PHACTR1: variants seen among roughly 807,000 people sequenced by gnomAD.
PHACTR1 encodes the protein phosphatase and actin regulator 1, also known as RPEL repeat containing 1.
Under a neutral mutation model 69.2 loss-of-function variants are expected in PHACTR1, and 16 were observed. The ratio of observed to expected loss-of-function variants is 0.23; its 90% CI spans 0.16 to 0.35. The LOEUF is 0.35. Among genes scored for constraint, PHACTR1 ranks in the 10% least tolerant of loss-of-function variants. PHACTR1 has a pLI of 1.00. For synonymous variants in PHACTR1, 312 were observed against 284.5 expected, an observed-to-expected ratio of 1.10 and a Z score of -0.97; for missense variants, 510 against 734.7, an observed-to-expected ratio of 0.69 and a Z score of 3.54.
chr6:12,855,029 C>G (rs145469396), intron 4 of PHACTR1, among the ~76,000 whole-genome samples: 1 of 152,152 alleles, frequency 6.6e-6, no homozygotes, highest in Admixed American at 6.5e-5. Context: ...CCAGCAATCC[C>G]GTTAGTGGGT....
At chr6:13,065,158 A>T (rs1377562940) in intron 5 of PHACTR1, among the ~76,000 whole-genome samples, 1 of 152,156 alleles carries the variant, frequency 6.6e-6, no homozygotes, top group Non-Finnish European at 1.5e-5. Context: ...AACTGGGGTC[A>T]GGAGAGGTCT....
chr6:13,120,136 A>G (rs1420762027), intron 5 of PHACTR1, among the ~76,000 whole-genome samples: 1 of 152,124 alleles, frequency 6.6e-6, no homozygotes, highest in Non-Finnish European at 1.5e-5. Flanking sequence ...GTTTACAAAT[A>G]TTTTATTCAT....
At chr6:13,193,357 G>GTGTA (rs536184609) in intron 7 of PHACTR1, among the ~76,000 whole-genome samples, 6 of 68,198 alleles carry the variant, frequency 8.8e-5, no homozygotes, top group African/African-American at 2.5e-4. Context: ...AGCTCTCTGT[G>GTGTA]TATATATATA....
At chr6:12,839,531 C>T (rs1778486477) in intron 4 of PHACTR1, among the ~76,000 whole-genome samples, 1 of 152,104 alleles carries the variant, frequency 6.6e-6, no homozygotes. Flanking sequence ...CTAGATATGT[C>T]ATGGGGCCTG....
intron 6 of PHACTR1, among the ~76,000 whole-genome samples, chr6:13,171,260 T>C (rs1360346312): frequency 6.6e-6 from 1 of 151,822 alleles, no homozygotes. Flanking sequence ...TGTAGTTCTG[T>C]CTCACTGCTC....
intron 4 of PHACTR1, among the ~76,000 whole-genome samples, chr6:12,820,275 G>A (rs902361731): frequency 6.6e-6 from 1 of 152,018 alleles, no homozygotes; most frequent in South Asian, 2.1e-4. Context: ...CCTGCCTCCA[G>A]GTTCAAGTGA....
At chr6:12,960,296 T>C (rs1261218753) in intron 4 of PHACTR1, among the ~76,000 whole-genome samples, 2 of 152,260 alleles carry the variant, frequency 1.3e-5, no homozygotes, top group Admixed American at 6.5e-5. Context: ...TTATCATTTA[T>C]GGTGTCTAGT....
At chr6:12,777,457 A>T (rs185988733) in intron 4 of PHACTR1, among the ~76,000 whole-genome samples, 5 of 151,896 alleles carry the variant, frequency 3.3e-5, no homozygotes, top group African/African-American at 1.2e-4. Flanking sequence ...CTCAGTGTTT[A>T]GCTCTTACTT....
At chr6:13,038,488 TAA>T (rs34433834) in intron 4 of PHACTR1, among the ~76,000 whole-genome samples, 80 of 124,114 alleles carry the variant, frequency 6.4e-4, no homozygotes, top group African/African-American at 1.2e-3. Flanking sequence ...TTCAAGTGTT[TAA>T]AAAAAAAAAA....
rs192626162 is a variant in PHACTR1, at chr6:13,239,995, C to A, written c.1391+9802C>A. ...GTAAGTGTGGTGGACAAAGAGCTGC[C>A]TTTTACCCAGTGGGAACACAATCGA... On this transcript the variant is annotated intron_variant, in intron 10 of 14. Transcript: ENST00000332995. Among the ~76,000 whole-genome samples, 104 of 151,898 alleles carry A rather than the reference C, an allele frequency of 6.8e-4. 1 individual carries two copies. The highest frequency in any genetic ancestry group is 2.3e-3 in the African/African-American group (97 of 41,358).
At chr6:12,990,757 T>C (rs560664576) in intron 4 of PHACTR1, among the ~76,000 whole-genome samples, 2 of 152,208 alleles carry the variant, frequency 1.3e-5, no homozygotes, top group East Asian at 3.9e-4. Context: ...GTTTGAAAGG[T>C]GATGAATGCA....
At chr6:13,215,475 T>C (rs1269074727) in intron 8 of PHACTR1, among the ~76,000 whole-genome samples, 1 of 152,186 alleles carries the variant, frequency 6.6e-6, no homozygotes, top group African/African-American at 2.4e-5. Context: ...TGATATACTG[T>C]CTCCAGATAG....
chr6:13,017,197 A>AAG (rs1161047220), intron 4 of PHACTR1, among the ~76,000 whole-genome samples: 1 of 151,216 alleles, frequency 6.6e-6, no homozygotes, highest in Non-Finnish European at 1.5e-5. Flanking sequence ...AAAAAAAAAA[A>AAG]AAAAAAAAAA....
intron 3 of PHACTR1, among the ~76,000 whole-genome samples, chr6:12,723,085 T>C (rs1300616838): frequency 2.0e-5 from 3 of 152,318 alleles, no homozygotes; most frequent in Non-Finnish European, 2.9e-5. Context: ...AAAATTAACA[T>C]CATGAGATTT....
intron 10 of PHACTR1, among the ~76,000 whole-genome samples, chr6:13,231,528 C>T (rs115869543): frequency 6.6e-6 from 1 of 152,124 alleles, no homozygotes; most frequent in African/African-American, 2.4e-5. Flanking sequence ...AATTGAGGAC[C>T]TATGGAGAGA....
At chr6:13,250,836 G>A (rs888324691) in intron 10 of PHACTR1, among the ~76,000 whole-genome samples, 2 of 152,202 alleles carry the variant, frequency 1.3e-5, no homozygotes, top group Admixed American at 6.5e-5. Context: ...CTCAAGACAG[G>A]TGGTGCACAA....
At chr6:12,987,585 G>A (rs1220352313) in intron 4 of PHACTR1, among the ~76,000 whole-genome samples, 1 of 152,142 alleles carries the variant, frequency 6.6e-6, no homozygotes, top group African/African-American at 2.4e-5. Flanking sequence ...GGGCTTGATT[G>A]TGTAAGCCAG....
At chr6:13,025,940 C>CT (rs1185432956) in intron 4 of PHACTR1, among the ~76,000 whole-genome samples, 1 of 152,158 alleles carries the variant, frequency 6.6e-6, no homozygotes, top group Non-Finnish European at 1.5e-5. Flanking sequence ...AGTCCCTGTG[C>CT]TCTCCTCTTA....
chr6:13,182,439 G>A, intron 6 of PHACTR1, 80 bp from the exon 7 acceptor site: 9 of 1,466,116 alleles, frequency 6.1e-6, no homozygotes, highest in Non-Finnish European at 8.6e-6. Flanking sequence ...GCAGCATCTA[G>A]ACTCAGCAGG....
Sources: allele counts gnomAD v4.1 joint callset (sites outside exome capture counted in the v4.1 genomes callset), GRCh38; gene constraint gnomAD v4.1.1; transcripts MANE v1.5; gene names NCBI Gene and HGNC (gene_info 2026-07-23, HGNC 2026-07-21).